GOLGA3: variants seen among roughly 807,000 people sequenced by gnomAD.
The protein encoded by GOLGA3 is golgin A3.
In GOLGA3, 75 loss-of-function variants were observed where a neutral mutation model predicts 169.4. That is an observed-to-expected ratio of 0.44 (90% CI 0.37 to 0.54). GOLGA3 has a LOEUF of 0.54. Ranked by LOEUF, GOLGA3 falls within the 20% of genes least tolerant of loss-of-function variation. The pLI is 0.00. For missense variants in GOLGA3, 1,899 were observed against 1,930.0 expected (o/e 0.98, Z 0.30); for synonymous variants, 824 against 822.4 (o/e 1.00, Z -0.03).
In GOLGA3 at chr12:132,780,835, T is replaced by G. The variant is rs766290001; in HGVS notation, c.3545A>C (p.Glu1182Ala). 9 of 1,612,092 alleles carry G rather than the reference T, an allele frequency of 5.6e-6. No individual in the cohort carries two copies. The highest frequency in any genetic ancestry group is 7.6e-6 in the Non-Finnish European group (9 of 1,179,850). The change falls in exon 18 of 24, where the codon GAG becomes GCG. Residue 1182 changes from glutamate to alanine, a missense_variant. Coordinates refer to ENST00000450791, the MANE Select transcript of GOLGA3 (RefSeq NM_001389683.1). ...HLVQALQASL[E>A]KEKEKVNSLK... The stretch of plus-strand genomic sequence containing the variant: ...GCTGTTCACCTTCTCCTTCTCCTTC[T>G]CTAGTGAGGCCTGCAGGGCCTGGAC...
rs774469337 is a variant in GOLGA3 at position 132,804,814 on chromosome 12, G to A, written c.1499C>T (p.Ser500Leu). 8.7e-6 allele frequency: 14 copies of A among 1,614,086 alleles called. No individual in the cohort carries two copies. The highest frequency in any genetic ancestry group is 6.6e-5 in the South Asian group (6 of 91,090). ...MLEAKNASLA[S>L]SNNDLQVAEE... ...GGCCACCTGCAAGTCGTTGTTGGAC[G>A]ACGCCAGGCTGGCATTTTTTGCCTC... is the stretch of plus-strand genomic sequence containing the variant. Residue 500 changes from serine to leucine, a missense_variant, in exon 7 of 24, where the codon TCG becomes TTG. By Grantham distance (145) the Ser-to-Leu change is moderately radical (BLOSUM62 -2). Coordinates refer to ENST00000450791, the MANE Select transcript of GOLGA3 (RefSeq NM_001389683.1). This position sits in a 1 kb window ranked among gnomAD's most constrained non-coding sequence, Gnocchi z 4.1.
At chr12:132,813,811 G>A (rs931294255) in intron 3 of GOLGA3, among the ~76,000 whole-genome samples, 24 of 136,848 alleles carry the variant, frequency 1.8e-4, no homozygotes, top group Admixed American at 8.4e-5. Context: ...AGCAACCTCC[G>A]CCTCCCAGGT....
At chr12:132,818,722 T>C (rs1416447595) in intron 2 of GOLGA3, among the ~76,000 whole-genome samples, 1 of 152,148 alleles carries the variant, frequency 6.6e-6, no homozygotes, top group Non-Finnish European at 1.5e-5. Flanking sequence ...AAAGGCTGAT[T>C]TTGGAGTCAT....
At chr12:132,824,263 G>A (rs1369761649) in intron 1 of GOLGA3, among the ~76,000 whole-genome samples, 1 of 152,194 alleles carries the variant, frequency 6.6e-6, no homozygotes, top group Admixed American at 6.5e-5. Context: ...CCAGTCCACT[G>A]ACACAGTCAA....
In GOLGA3 at chr12:132,795,946, A is replaced by C; in HGVS notation, c.2375T>G (p.Leu792Arg). The C allele has an allele frequency of 1.2e-6, 2 of 1,613,986 alleles. No homozygotes were observed. The highest frequency in any genetic ancestry group is 1.6e-4 in the Middle Eastern group (1 of 6,062). The change falls in exon 11 of 24, where the codon CTT becomes CGT. Residue 792 changes from leucine (L) to arginine (R), a missense_variant. Coordinates refer to ENST00000450791, the MANE Select transcript of GOLGA3 (RefSeq NM_001389683.1). The stretch of plus-strand genomic sequence containing the variant: ...TTCCAAGCGTCTTGCTCCTCTGTCA[A>C]GCTCCTCCTTGCCACTCTTGGCCGC... ...LQAAKSGKEE[L>R]DRGARRLEEG...
intron 1 of GOLGA3, among the ~76,000 whole-genome samples, chr12:132,824,234 T>C (rs1224105141): frequency 6.6e-6 from 1 of 152,202 alleles, no homozygotes; most frequent in Non-Finnish European, 1.5e-5. Flanking sequence ...AGAGGAAACC[T>C]ATGGGTGGTG....
chr12:132,819,303 G>T (rs1429991936), intron 2 of GOLGA3, among the ~76,000 whole-genome samples: 2 of 151,556 alleles, frequency 1.3e-5, no homozygotes, highest in African/African-American at 4.9e-5. Flanking sequence ...GCTGAGGCAG[G>T]TGGATCACGA....
intron 9 of GOLGA3, 59 bp downstream of exon 9, chr12:132,798,281 A>G: frequency 6.8e-7 from 1 of 1,476,396 alleles, no homozygotes; most frequent in Non-Finnish European, 9.2e-7. Context: ...GAAAACACAC[A>G]TGGTATCGAT....
intron 6 of GOLGA3, among the ~76,000 whole-genome samples, chr12:132,805,784 G>A (rs529256007): frequency 6.6e-5 from 10 of 152,400 alleles, no homozygotes; most frequent in African/African-American, 1.9e-4. Context: ...CGTCTCCTGC[G>A]AGGACACTGG....
At chr12:132,799,801 C>T (rs113213648) in intron 8 of GOLGA3, among the ~76,000 whole-genome samples, 31,174 of 151,694 alleles carry the variant, frequency 0.21, 4,123 homozygotes, top group Non-Finnish European at 0.3. Context: ...AGTGCAGCAG[C>T]GCAATCTTGG....
At chr12:132,806,866 A>G (rs1461875049) in intron 6 of GOLGA3, among the ~76,000 whole-genome samples, 1 of 152,162 alleles carries the variant, frequency 6.6e-6, no homozygotes, top group Non-Finnish European at 1.5e-5. Context: ...AAAAAGGTTC[A>G]CCATGCCAGA....
In GOLGA3 at chr12:132,820,215, G is replaced by A. The variant is rs117342993; in HGVS notation, c.133+1781C>T. ...TCAGCTAGGCGTGCTGACACGCATC[G>A]ATAGTCACCGCTACCCCAGAGACCA... On this transcript the variant is annotated intron_variant, in intron 2 of 23. Transcript: ENST00000450791. Among the ~76,000 whole-genome samples the A allele has an allele frequency of 6.4e-3, 975 of 151,178 alleles. 8 individuals are homozygous for A. The highest frequency in any genetic ancestry group is 0.011 in the Middle Eastern group (3 of 282).
At chr12:132,818,433 GTCTTTT>G (rs1950082346) in intron 2 of GOLGA3, among the ~76,000 whole-genome samples, 1 of 152,088 alleles carries the variant, frequency 6.6e-6, no homozygotes, top group South Asian at 2.1e-4. Flanking sequence ...CTAATTTTTG[GTCTTTT>G]TAGTAGAGAT....
At position 132,804,947 on chromosome 12, in the gene GOLGA3, T is replaced by C. The variant is rs746038529; in HGVS notation, c.1366A>G (p.Ser456Gly). Residue 456 changes from serine (S) to glycine (G), a missense_variant, in exon 7 of 24, where the codon AGC becomes GGC. Ser to Gly is a moderately conservative substitution (Grantham distance 56). Coordinates refer to ENST00000450791, the MANE Select transcript of GOLGA3 (RefSeq NM_001389683.1). This position sits in a 1 kb window ranked among gnomAD's most constrained non-coding sequence, Gnocchi z 4.1. Reference protein sequence around the residue: ...STKLQAQVECSHSSQQRQDSL... With the variant: ...STKLQAQVECGHSSQQRQDSL... ...TCCTGCCGCTGCTGGCTGCTGTGGC[T>C]GCACTCCACCTGCGCCTGCAGCTTC... is the stretch of plus-strand genomic sequence containing the variant. 6.2e-7 allele frequency: 1 copy of C among 1,613,432 alleles called. No homozygotes were observed. Among genetic ancestry groups the C allele is most frequent in the South Asian group, 1.1e-5 (1 of 91,086 alleles).
At chr12:132,789,993 A>G (rs2046137993) in intron 12 of GOLGA3, among the ~76,000 whole-genome samples, 2 of 151,432 alleles carry the variant, frequency 1.3e-5, no homozygotes, top group Non-Finnish European at 2.9e-5. Context: ...AGACAGCACT[A>G]CTGCACTCCA....
intron 22 of GOLGA3, chr12:132,774,878 G>A (rs2045135413): frequency 1.9e-6 from 1 of 531,000 alleles, no homozygotes; most frequent in Non-Finnish European, 3.3e-6. Context: ...CCGAGTCACA[G>A]ACCACCGCTC....
In GOLGA3 at chr12:132,791,255, C is replaced by T; in HGVS notation, c.2508G>A (p.Lys836=). The change falls in exon 12 of 24, where the codon AAG becomes AAA. Residue 836 remains lysine, a synonymous_variant. Transcript: ENST00000450791. ...HLQQETAALK[K]QMQKIKEQFL... is the part of the protein sequence containing the mutation. ...ACTGTTCCTTTATTTTTTGCATTTG[C>T]TTTTTCAGAGCAGCAGTCTCCTGCT... is the stretch of plus-strand genomic sequence containing the variant. 6.2e-7 allele frequency: 1 copy of T among 1,609,118 alleles called. No homozygotes were observed. Among genetic ancestry groups the T allele is most frequent in the Non-Finnish European group, 8.5e-7 (1 of 1,176,622 alleles).
intron 4 of GOLGA3, among the ~76,000 whole-genome samples, chr12:132,810,773 A>T (rs1301745661): frequency 6.6e-6 from 1 of 152,026 alleles, no homozygotes; most frequent in Non-Finnish European, 1.5e-5. Flanking sequence ...GAGTTTAGAG[A>T]AGACTCTACT....
intron 10 of GOLGA3, 51 bp downstream of exon 10, chr12:132,796,488 C>A (rs1411541672): frequency 6.4e-7 from 1 of 1,565,950 alleles, no homozygotes; most frequent in Non-Finnish European, 8.6e-7. Context: ...GTCCTGGCTG[C>A]TCGGGATCAC....
Sources: allele counts gnomAD v4.1 joint callset (sites outside exome capture counted in the v4.1 genomes callset), GRCh38; gene constraint gnomAD v4.1.1; non-coding constraint Gnocchi (gnomAD v3.1); transcripts MANE v1.5; gene names NCBI Gene and HGNC (gene_info 2026-07-23, HGNC 2026-07-21).